ADISSP: variants seen among roughly 807,000 people sequenced by gnomAD.
ADISSP encodes the protein adipose secreted signaling protein, also known as adipose-secreted signaling protein.
At chr20:3,760,986 AAAAC>A in the ADISSP span, among the ~76,000 whole-genome samples, 7 of 152,250 alleles carry the variant, frequency 4.6e-5, no homozygotes, top group Admixed American at 3.3e-4. Flanking sequence ...GAGAGAAAGC[AAAAC>A]AAACAAACCC....
chr20:3,759,905 A>G, the ADISSP span: 1 of 1,114,266 alleles, frequency 9.0e-7, no homozygotes, highest in East Asian at 2.4e-5. The surrounding 1 kb of genome is among the most constrained non-coding windows in gnomAD (Gnocchi z 4.6). Context: ...CGTGAGCCCC[A>G]GAACCTGGCA....
chr20:3,764,820 TG>T, the ADISSP span, among the ~76,000 whole-genome samples: 1 of 152,252 alleles, frequency 6.6e-6, no homozygotes, highest in African/African-American at 2.4e-5. Flanking sequence ...GTGACTGCAC[TG>T]GGGGCTCTGA....
chr20:3,755,381 C>G, the ADISSP span: 1 of 1,302,808 alleles, frequency 7.7e-7, no homozygotes, highest in Non-Finnish European at 1.1e-6. Context: ...ACTTGCTGAG[C>G]TGCCCATCCA....
At chr20:3,755,156 G>T in the ADISSP span, among the ~76,000 whole-genome samples, 1 of 152,150 alleles carries the variant, frequency 6.6e-6, no homozygotes, top group African/African-American at 2.4e-5. Flanking sequence ...TTTTCTAGAG[G>T]GTTAGGGAGG....
At chr20:3,758,557 A>G in the ADISSP span, 2 of 1,613,566 alleles carry the variant, frequency 1.2e-6, no homozygotes, top group Non-Finnish European at 1.7e-6. This position sits in a 1 kb window ranked among gnomAD's most constrained non-coding sequence, Gnocchi z 5.5. Context: ...AGCTGCTGTC[A>G]CTCTCCTGGG....
the ADISSP span, chr20:3,753,906 A>G: frequency 6.0e-5 from 38 of 629,950 alleles, no homozygotes; most frequent in Middle Eastern, 5.0e-4. Flanking sequence ...TGGCAGCACA[A>G]ATGAAGGCAG....
chr20:3,758,805 G>A, the ADISSP span: 1 of 837,270 alleles, frequency 1.2e-6, no homozygotes, highest in Admixed American at 2.6e-5. The surrounding 1 kb of genome is among the most constrained non-coding windows in gnomAD (Gnocchi z 5.5). Flanking sequence ...GCTCTTTTCA[G>A]GGCTAGATGG....
the ADISSP span, chr20:3,753,880 C>T: frequency 6.4e-5 from 39 of 612,146 alleles, no homozygotes; most frequent in Middle Eastern, 2.5e-4. Context: ...GAGAGGAGGA[C>T]GAGGGAGGGG....
chr20:3,760,460 T>C, the ADISSP span, among the ~76,000 whole-genome samples: 1 of 152,174 alleles, frequency 6.6e-6, no homozygotes, highest in Non-Finnish European at 1.5e-5. Context: ...AGCAACAGCA[T>C]AGGACTCCTA....
the ADISSP span, among the ~76,000 whole-genome samples, chr20:3,762,193 A>G: frequency 5.9e-5 from 9 of 152,164 alleles, no homozygotes; most frequent in East Asian, 1.7e-3. Context: ...AATCACTTGA[A>G]TCCGGAAGGC....
At chr20:3,756,842 T>C in the ADISSP span, among the ~76,000 whole-genome samples, 3 of 152,130 alleles carry the variant, frequency 2.0e-5, no homozygotes, top group Non-Finnish European at 4.4e-5. Flanking sequence ...AAGTCAATGA[T>C]GACACGTATC....
the ADISSP span, among the ~76,000 whole-genome samples, chr20:3,765,340 T>A: frequency 4.6e-5 from 7 of 152,076 alleles, no homozygotes; most frequent in Non-Finnish European, 8.8e-5. Flanking sequence ...AACCAAGGCC[T>A]CACCATGGCT....
At chr20:3,758,514 G>C in the ADISSP span, 1 of 1,607,828 alleles carries the variant, frequency 6.2e-7, no homozygotes, top group Admixed American at 1.7e-5. This position sits in a 1 kb window ranked among gnomAD's most constrained non-coding sequence, Gnocchi z 5.5. Context: ...AGAAGCTGCT[G>C]ATGGGGTAGG....
At chr20:3,756,180 C>G in the ADISSP span, among the ~76,000 whole-genome samples, 1 of 152,228 alleles carries the variant, frequency 6.6e-6, no homozygotes, top group Non-Finnish European at 1.5e-5. Flanking sequence ...CCAGCTGTGT[C>G]AGCCCAGAGC....
chr20:3,754,011 G>A, the ADISSP span: 4 of 1,408,534 alleles, frequency 2.8e-6, no homozygotes, highest in Non-Finnish European at 4.0e-6. Flanking sequence ...GGGGGGACAA[G>A]GCGGGGTTTA....
chr20:3,760,010 C>A, the ADISSP span: 3 of 1,609,430 alleles, frequency 1.9e-6, no homozygotes, highest in Non-Finnish European at 1.7e-6. Context: ...GCCCTACCTG[C>A]AGCAATGGCC....
At chr20:3,756,588 C>T in the ADISSP span, among the ~76,000 whole-genome samples, 2 of 152,288 alleles carry the variant, frequency 1.3e-5, no homozygotes, top group East Asian at 3.9e-4. Flanking sequence ...TTCAATGGGA[C>T]CAGGTTGATA....
the ADISSP span, among the ~76,000 whole-genome samples, chr20:3,756,081 T>C: frequency 6.6e-6 from 1 of 152,190 alleles, no homozygotes; most frequent in Non-Finnish European, 1.5e-5. Flanking sequence ...GGGTCAGGGA[T>C]GCTGGTCCTC....
At chr20:3,757,934 C>T in the ADISSP span, among the ~76,000 whole-genome samples, 1 of 152,042 alleles carries the variant, frequency 6.6e-6, no homozygotes, top group African/African-American at 2.4e-5. Context: ...CACTCCTGTT[C>T]AACTCTGGAC....
Sources: allele counts gnomAD v4.1 joint callset (sites outside exome capture counted in the v4.1 genomes callset), GRCh38; gene constraint gnomAD v4.1.1; non-coding constraint Gnocchi (gnomAD v3.1); transcripts MANE v1.5; gene names NCBI Gene and HGNC (gene_info 2026-07-23, HGNC 2026-07-21).